The following EZH2 variants were observed in gnomAD, a reference collection of about 807,000 sequenced individuals.
EZH2 encodes the protein histone-lysine N-methyltransferase EZH2.
Under a neutral mutation model 98.4 loss-of-function variants are expected in EZH2, and 18 were observed. The observed-to-expected ratio is 0.18, with a 90% CI of 0.13 to 0.27. The LOEUF is 0.27. EZH2 is among the 10% of genes least tolerant of loss of function. The pLI is 1.00. For missense variants in EZH2, 470 were observed against 935.1 expected (o/e 0.50, Z 6.49); for synonymous variants, 338 against 312.3 (o/e 1.08, Z -0.87).
rs187100410 is a variant in EZH2, at chr7:148,877,855, A to G, written c.-8+6309T>C. Among the ~76,000 whole-genome samples, 30 of 152,366 alleles carry G rather than the reference A, an allele frequency of 2.0e-4. No individual in the cohort carries two copies. In the East Asian group the frequency reaches 4.2e-3, roughly 22 times the overall value. On this transcript the variant is annotated intron_variant, in intron 1 of 19. Transcript: ENST00000320356. ...TAAACTCATTCTTCTCGGAGCTGAC[A>G]TATCTTTAATCACCCAGAAAGCCAG...
intron 12 of EZH2, among the ~76,000 whole-genome samples, chr7:148,816,284 C>T (rs999020211): frequency 3.9e-5 from 6 of 152,282 alleles, no homozygotes; most frequent in Admixed American, 3.9e-4. Context: ...AATGCAATGC[C>T]ACACAACTTA....
At position 148,813,968 on chromosome 7, in the gene EZH2, G is replaced by C; in HGVS notation, c.1842C>G (p.Gly614=). Reference sequence around the variant, plus strand: ...GTGACTTGTTGCTCACCTTTTTGGAGCCCCGCTGAATACTGCAGTTCTTGC... The same window carrying C: ...GTGACTTGTTGCTCACCTTTTTGGACCCCCGCTGAATACTGCAGTTCTTGC... ...VSCKNCSIQR[G]SKKHLLLAPS... Residue 614 remains glycine, a synonymous_variant, in exon 15 of 20, where the codon GGC becomes GGG. Transcript: ENST00000320356. 1.2e-6 allele frequency: 2 copies of C among 1,609,698 alleles called. No individual in the cohort carries two copies. The highest frequency in any genetic ancestry group is 1.7e-6 in the Non-Finnish European group (2 of 1,178,578).
intron 15 of EZH2, among the ~76,000 whole-genome samples, chr7:148,813,453 A>C (rs1446152633): frequency 1.3e-5 from 2 of 152,012 alleles, no homozygotes; most frequent in East Asian, 3.9e-4. Flanking sequence ...CTAAAAATAT[A>C]TAGTTCCTAG....
At chr7:148,845,049 A>T (rs1032609982) in intron 3 of EZH2, among the ~76,000 whole-genome samples, 4 of 152,192 alleles carry the variant, frequency 2.6e-5, no homozygotes, top group African/African-American at 9.6e-5. Flanking sequence ...ACAATTCATT[A>T]TTGCTGTTGA....
intron 1 of EZH2, chr7:148,876,292 GA>G (rs112143426): frequency 4.5e-4 from 65 of 144,654 alleles, no homozygotes; most frequent in Middle Eastern, 3.5e-3. Flanking sequence ...ATCTTGGAGG[GA>G]AAAAAAAAAA....
chr7:148,839,174 G>A (rs984957333), intron 3 of EZH2, among the ~76,000 whole-genome samples: 3 of 152,104 alleles, frequency 2.0e-5, no homozygotes, highest in African/African-American at 7.2e-5. Context: ...TGCTCGAGTG[G>A]TAGAACTGCC....
rs1460111955 is a variant in EZH2 at position 148,814,903 on chromosome 7, C to G, written c.1672+11G>C. 2 of 1,610,062 alleles carry G rather than the reference C, an allele frequency of 1.2e-6. No individual in the cohort carries two copies. The highest frequency in any genetic ancestry group is 1.7e-6 in the Non-Finnish European group (2 of 1,178,592). On this transcript the variant is annotated intron_variant, in intron 14 of 19. Transcript: ENST00000320356. Reference sequence around the variant, plus strand: ...TTCTCATGCAATTGCATCAAAGCAACAAATACTTACACTCTGAACTACATT... The same window carrying G: ...TTCTCATGCAATTGCATCAAAGCAAGAAATACTTACACTCTGAACTACATT...
intron 1 of EZH2, among the ~76,000 whole-genome samples, chr7:148,873,785 C>A (rs1819799841): frequency 6.6e-6 from 1 of 151,454 alleles, no homozygotes; most frequent in South Asian, 2.1e-4. Flanking sequence ...TTAGTACTTA[C>A]AATATACAAA....
intron 14 of EZH2, among the ~76,000 whole-genome samples, chr7:148,814,368 G>C (rs1228542740): frequency 6.6e-6 from 1 of 152,078 alleles, no homozygotes; most frequent in Non-Finnish European, 1.5e-5. Context: ...GTTAAATAGT[G>C]TATATATTTA....
At chr7:148,818,187 T>A (rs1805095272) in intron 9 of EZH2, 70 bp from the exon 10 acceptor site, 24 of 1,462,788 alleles carry the variant, frequency 1.6e-5, no homozygotes, top group Non-Finnish European at 2.1e-5. Flanking sequence ...GAAAAAAAAA[T>A]ACTATATAAG....
In EZH2 at chr7:148,817,348, A is replaced by G. The variant is rs1238522695; in HGVS notation, c.1284T>C (p.Asn428=). The stretch of plus-strand genomic sequence containing the variant: ...ACTCCACATTCTCAGGAGGTTCAAT[A>G]TTTGGCTTCATCTTTATTGGTGTTT... ...RCQTPIKMKP[N]IEPPENVEWS... is the part of the protein sequence containing the mutation. The change falls in exon 11 of 20, where the codon AAT becomes AAC. Residue 428 remains asparagine, a synonymous_variant. Coordinates refer to ENST00000320356, the MANE Select transcript of EZH2 (RefSeq NM_004456.5). 6.2e-7 allele frequency: 1 copy of G among 1,613,836 alleles called. No homozygotes were observed. The highest frequency in any genetic ancestry group is 8.5e-7 in the Non-Finnish European group (1 of 1,180,000).
intron 3 of EZH2, among the ~76,000 whole-genome samples, chr7:148,840,720 T>C (rs1812214390): frequency 6.6e-6 from 1 of 152,162 alleles, no homozygotes; most frequent in African/African-American, 2.4e-5. Flanking sequence ...GATATTCTTT[T>C]ATAAAATCTG....
chr7:148,837,999 G>A (rs377632980), intron 3 of EZH2, among the ~76,000 whole-genome samples: 3 of 151,962 alleles, frequency 2.0e-5, no homozygotes, highest in African/African-American at 4.8e-5. Context: ...TCCAAGGGGC[G>A]GGGAATGATA....
chr7:148,825,277 C>T (rs1048549277), intron 8 of EZH2, among the ~76,000 whole-genome samples: 2 of 152,150 alleles, frequency 1.3e-5, no homozygotes, highest in African/African-American at 4.8e-5. Context: ...GCTTAACTGT[C>T]CAATGGCTGA....
At chr7:148,809,731 G>GT (rs1802514497) in intron 17 of EZH2, among the ~76,000 whole-genome samples, 1 of 150,506 alleles carries the variant, frequency 6.6e-6, no homozygotes, top group South Asian at 2.1e-4. Context: ...TTTAAAATTA[G>GT]TTTTTTTCAT....
At chr7:148,851,799 A>C (rs559435478) in intron 1 of EZH2, among the ~76,000 whole-genome samples, 1 of 152,320 alleles carries the variant, frequency 6.6e-6, no homozygotes, top group African/African-American at 2.4e-5. Flanking sequence ...TGAGCCTGTG[A>C]GGTGGAGACT....
intron 8 of EZH2, among the ~76,000 whole-genome samples, chr7:148,822,660 G>A (rs902844764): frequency 1.3e-5 from 2 of 151,988 alleles, no homozygotes; most frequent in African/African-American, 2.4e-5. Flanking sequence ...AATAAAAATA[G>A]GCCAGGCGCA....
chr7:148,870,931 AG>A (rs1819277210), intron 1 of EZH2, among the ~76,000 whole-genome samples: 1 of 151,670 alleles, frequency 6.6e-6, no homozygotes, highest in African/African-American at 2.4e-5. Context: ...CTTGTCTCAA[AG>A]AAAAAAAAAA....
chr7:148,837,938 G>A (rs2129481508), intron 3 of EZH2, among the ~76,000 whole-genome samples: 1 of 152,296 alleles, frequency 6.6e-6, no homozygotes, highest in East Asian at 1.9e-4. Context: ...TACAACACAA[G>A]GGTATTTGCT....
Sources: gnomAD v4.1 joint callset for allele counts (sites outside exome capture counted in the v4.1 genomes callset) on GRCh38, gnomAD v4.1.1 for gene constraint, MANE v1.5 for transcripts, NCBI Gene and HGNC (gene_info 2026-07-23, HGNC 2026-07-21) for gene names.